Variants in ZNG1E observed in about 807,000 individuals in gnomAD.
ZNG1E encodes Zn regulated GTPase metalloprotein activator 1E, also known as zinc-regulated GTPase metalloprotein activator 1E.
At chr9:65,678,041 C>A in the ZNG1E span, among the ~76,000 whole-genome samples, 3 of 150,568 alleles carry the variant, frequency 2.0e-5, no homozygotes, top group African/African-American at 7.3e-5. Context: ...CAAGGCCCAG[C>A]ATAAATCTGT....
the ZNG1E span, chr9:65,732,747 A>G: frequency 7.2e-7 from 1 of 1,386,716 alleles, no homozygotes; most frequent in Middle Eastern, 2.7e-4. Flanking sequence ...ATATGTATTA[A>G]CTTTATCATT....
At chr9:65,708,561 A>G in the ZNG1E span, 2 of 277,428 alleles carry the variant, frequency 7.2e-6, no homozygotes, top group African/African-American at 4.9e-5. Context: ...CCTATTTGTT[A>G]ATTCTATTTG....
the ZNG1E span, among the ~76,000 whole-genome samples, chr9:65,717,558 G>A: frequency 3.3e-5 from 5 of 149,868 alleles, no homozygotes; most frequent in East Asian, 7.7e-4. Flanking sequence ...CATCCTCCGT[G>A]TCTGGATTAG....
the ZNG1E span, among the ~76,000 whole-genome samples, chr9:65,709,896 A>G: frequency 6.6e-6 from 1 of 151,728 alleles, no homozygotes; most frequent in Non-Finnish European, 1.5e-5. Context: ...GTCAAATGGT[A>G]TTTCTAGTTC....
At chr9:65,715,154 CA>C in the ZNG1E span, among the ~76,000 whole-genome samples, 2 of 148,702 alleles carry the variant, frequency 1.3e-5, no homozygotes, top group African/African-American at 5.1e-5. Context: ...GGGAGTGACC[CA>C]ATCTTCCAGG....
the ZNG1E span, among the ~76,000 whole-genome samples, chr9:65,658,006 G>A: frequency 6.6e-6 from 1 of 152,226 alleles, no homozygotes. Flanking sequence ...GGCTGAGGCA[G>A]GAGAATCACT....
At chr9:65,667,972 G>A in the ZNG1E span, among the ~76,000 whole-genome samples, 2 of 140,734 alleles carry the variant, frequency 1.4e-5, no homozygotes, top group Non-Finnish European at 3.1e-5. Context: ...CTCCAGCCTG[G>A]ACACCATGAG....
the ZNG1E span, among the ~76,000 whole-genome samples, chr9:65,663,165 G>A: frequency 6.6e-6 from 1 of 152,274 alleles, no homozygotes; most frequent in African/African-American, 2.4e-5. Flanking sequence ...TGTTTACTGA[G>A]GAAGAACAAG....
chr9:65,686,622 G>A, the ZNG1E span, among the ~76,000 whole-genome samples: 14 of 152,186 alleles, frequency 9.2e-5, no homozygotes, highest in East Asian at 3.8e-4. Context: ...GTGACAGAGC[G>A]AGACTCCATC....
At chr9:65,684,550 GCACACA>G in the ZNG1E span, among the ~76,000 whole-genome samples, 2 of 132,772 alleles carry the variant, frequency 1.5e-5, no homozygotes, top group Non-Finnish European at 3.2e-5. Flanking sequence ...ACACACGCAC[GCACACA>G]CACACACACA....
At chr9:65,668,576 G>A in the ZNG1E span, among the ~76,000 whole-genome samples, 15 of 148,102 alleles carry the variant, frequency 1.0e-4, no homozygotes, top group Non-Finnish European at 1.9e-4. Flanking sequence ...TCTCACCCAG[G>A]CTGGAGTGCA....
At chr9:65,706,086 GA>G in the ZNG1E span, among the ~76,000 whole-genome samples, 2 of 147,858 alleles carry the variant, frequency 1.4e-5, no homozygotes, top group African/African-American at 5.1e-5. Context: ...TGTCAATTTG[GA>G]TAGTATCTAC....
the ZNG1E span, among the ~76,000 whole-genome samples, chr9:65,675,132 G>A: frequency 6.6e-6 from 1 of 152,078 alleles, no homozygotes; most frequent in Non-Finnish European, 1.5e-5. Context: ...ATTCATGACT[G>A]TTGTTACTAT....
At chr9:65,677,687 G>A in the ZNG1E span, among the ~76,000 whole-genome samples, 290 of 150,968 alleles carry the variant, frequency 1.9e-3, no homozygotes, top group African/African-American at 6.5e-3. Context: ...TTTCAGTGGC[G>A]TCCCTATGGG....
At chr9:65,702,299 A>T in the ZNG1E span, among the ~76,000 whole-genome samples, 2 of 151,942 alleles carry the variant, frequency 1.3e-5, no homozygotes, top group African/African-American at 4.9e-5. Context: ...ATGATTGATG[A>T]TAGGCAATGG....
chr9:65,714,395 G>T, the ZNG1E span, among the ~76,000 whole-genome samples: 1 of 151,594 alleles, frequency 6.6e-6, no homozygotes, highest in Non-Finnish European at 1.5e-5. Context: ...TCTGTTGTTG[G>T]TGAGGAACTG....
the ZNG1E span, among the ~76,000 whole-genome samples, chr9:65,663,865 G>T: frequency 7.9e-5 from 12 of 151,478 alleles, no homozygotes; most frequent in African/African-American, 1.7e-4. Context: ...TTCCCCCATT[G>T]TCTCTGTCAT....
chr9:65,669,987 G>A, the ZNG1E span, among the ~76,000 whole-genome samples: 1 of 147,542 alleles, frequency 6.8e-6, no homozygotes, highest in Non-Finnish European at 1.5e-5. Context: ...AATGAAAAAT[G>A]TTAAATAAAC....
the ZNG1E span, among the ~76,000 whole-genome samples, chr9:65,726,896 G>A: frequency 2.2e-5 from 1 of 46,196 alleles, no homozygotes; most frequent in East Asian, 4.0e-4. Flanking sequence ...GAAGCACAAA[G>A]AACATCTGGG....
Sources: allele counts gnomAD v4.1 joint callset (sites outside exome capture counted in the v4.1 genomes callset), GRCh38; gene constraint gnomAD v4.1.1; transcripts MANE v1.5; gene names NCBI Gene and HGNC (gene_info 2026-07-23, HGNC 2026-07-21).